HPSE2: variants seen among roughly 807,000 people sequenced by gnomAD.
HPSE2 encodes heparanase 2 (inactive), also known as inactive heparanase-2.
A neutral mutation model predicts 60.5 loss-of-function variants in HPSE2; 38 were observed. The observed-to-expected ratio is 0.63, with a 90% CI of 0.48 to 0.82. HPSE2 has a LOEUF of 0.82. Ranked by LOEUF, HPSE2 falls within the 40% of genes least tolerant of loss-of-function variation. HPSE2 has a pLI of 0.00. For synonymous variants in HPSE2, 295 were observed against 293.2 expected (o/e 1.01, Z -0.06); for missense variants, 713 against 740.4 (o/e 0.96, Z 0.43).
At chr10:98,800,150 T>C (rs1048115410) in intron 3 of HPSE2, among the ~76,000 whole-genome samples, 13 of 151,920 alleles carry the variant, frequency 8.6e-5, no homozygotes, top group Non-Finnish European at 1.5e-4. Context: ...GGCAAATTGC[T>C]TGAGCCCAGG....
intron 2 of HPSE2, among the ~76,000 whole-genome samples, chr10:99,158,673 C>T (rs959107387): frequency 6.8e-6 from 1 of 147,148 alleles, no homozygotes; most frequent in Non-Finnish European, 1.5e-5. Context: ...GTGCAGCGCA[C>T]CAGCATGGCA....
chr10:99,083,916 G>C (rs573744748), intron 3 of HPSE2, among the ~76,000 whole-genome samples: 1 of 147,752 alleles, frequency 6.8e-6, no homozygotes, highest in East Asian at 2.0e-4. Flanking sequence ...TTGTTCATCT[G>C]CAAGTCTGGA....
At chr10:98,975,102 CG>C (rs1321823769) in intron 3 of HPSE2, among the ~76,000 whole-genome samples, 5 of 152,050 alleles carry the variant, frequency 3.3e-5, no homozygotes, top group Non-Finnish European at 7.4e-5. Context: ...TATTTTCTTC[CG>C]CCTTATTTCC....
chr10:98,697,977 C>A (rs1948277781), intron 5 of HPSE2, among the ~76,000 whole-genome samples: 1 of 149,622 alleles, frequency 6.7e-6, no homozygotes, highest in South Asian at 2.2e-4. Flanking sequence ...CAGGAGCACC[C>A]AGATTCATAA....
rs757428229 is a variant in HPSE2 at position 99,169,723 on chromosome 10, T to TACCA, written c.449-25328_449-25325dup. ...GCAGGACAGTTGACATTCTTGGCCTTACCAACCAGATACCAGTAGCATCCC... is the reference window on the plus strand; with the variant it reads ...GCAGGACAGTTGACATTCTTGGCCTTACCAACCAACCAGATACCAGTAGCATCCC... On this transcript the variant is annotated intron_variant, in intron 2 of 11. Transcript: ENST00000370552. Among the ~76,000 whole-genome samples the TACCA allele has an allele frequency of 2.1e-4, 32 of 152,046 alleles. 1 individual carries two copies. The highest frequency in any genetic ancestry group is 4.0e-4 in the Non-Finnish European group (27 of 68,006).
intron 3 of HPSE2, among the ~76,000 whole-genome samples, chr10:98,829,646 T>C (rs942116271): frequency 6.6e-6 from 1 of 152,176 alleles, no homozygotes; most frequent in Admixed American, 6.5e-5. Flanking sequence ...GTAAATTTTA[T>C]GTCATGTATA....
chr10:99,003,482 C>T (rs1413859400), intron 3 of HPSE2, among the ~76,000 whole-genome samples: 1 of 152,126 alleles, frequency 6.6e-6, no homozygotes, highest in Non-Finnish European at 1.5e-5. Context: ...GTTCCCTTGA[C>T]TCCATATCCT....
intron 3 of HPSE2, among the ~76,000 whole-genome samples, chr10:98,942,391 A>G (rs1002175686): frequency 6.7e-6 from 1 of 148,276 alleles, no homozygotes; most frequent in African/African-American, 2.6e-5. Context: ...CAAGAAAAAA[A>G]CAAACAACCC....
At chr10:99,218,420 T>C (rs1367449015) in intron 2 of HPSE2, among the ~76,000 whole-genome samples, 1 of 151,998 alleles carries the variant, frequency 6.6e-6, no homozygotes, top group Non-Finnish European at 1.5e-5. Context: ...CACTGATTCT[T>C]GATACACACC....
At chr10:98,773,284 T>G (rs1210601765) in intron 3 of HPSE2, among the ~76,000 whole-genome samples, 2 of 152,226 alleles carry the variant, frequency 1.3e-5, no homozygotes, top group African/African-American at 2.4e-5. Flanking sequence ...CTTTCTCTAA[T>G]TAATACACCA....
chr10:98,558,310 C>T (rs10883130), intron 9 of HPSE2, among the ~76,000 whole-genome samples: 69,038 of 152,020 alleles, frequency 0.45, 18,666 homozygotes, highest in South Asian at 0.59. Context: ...AAAAGATGTC[C>T]ACTAGATGTT....
chr10:99,109,092 C>T (rs965379485), intron 3 of HPSE2, among the ~76,000 whole-genome samples: 1 of 152,114 alleles, frequency 6.6e-6, no homozygotes. Context: ...AACAAAGCAG[C>T]CTCTCAATAA....
At chr10:99,055,008 G>A (rs937249748) in intron 3 of HPSE2, among the ~76,000 whole-genome samples, 7 of 151,974 alleles carry the variant, frequency 4.6e-5, no homozygotes, top group South Asian at 2.1e-4. Flanking sequence ...CACTGTGCCC[G>A]GCCTACTCTA....
At chr10:98,789,755 A>G (rs1488851095) in intron 3 of HPSE2, among the ~76,000 whole-genome samples, 1 of 152,190 alleles carries the variant, frequency 6.6e-6, no homozygotes, top group East Asian at 1.9e-4. Flanking sequence ...TATGAGCAGT[A>G]TATCTCCATA....
chr10:98,742,151 A>G (rs571816647), intron 4 of HPSE2, among the ~76,000 whole-genome samples: 1 of 152,278 alleles, frequency 6.6e-6, no homozygotes, highest in East Asian at 1.9e-4. Flanking sequence ...AGGCTACCCT[A>G]GTTGAGACTC....
chr10:98,468,557 T>C (rs1170270157), intron 11 of HPSE2, among the ~76,000 whole-genome samples: 1 of 152,146 alleles, frequency 6.6e-6, no homozygotes, highest in African/African-American at 2.4e-5. Context: ...CGGCACATTA[T>C]CTGCATCTCC....
At chr10:99,140,776 C>T (rs182251640) in intron 3 of HPSE2, among the ~76,000 whole-genome samples, 214 of 152,304 alleles carry the variant, frequency 1.4e-3, no homozygotes, top group African/African-American at 3.7e-3. Context: ...CGGTGGCTCA[C>T]GCCTTTAATC....
At chr10:99,109,355 T>C (rs1806563243) in intron 3 of HPSE2, among the ~76,000 whole-genome samples, 1 of 152,164 alleles carries the variant, frequency 6.6e-6, no homozygotes, top group Admixed American at 6.5e-5. Flanking sequence ...AATTAAATTT[T>C]ATTTAATTTG....
intron 3 of HPSE2, among the ~76,000 whole-genome samples, chr10:98,967,409 G>A (rs1339527341): frequency 6.6e-6 from 1 of 152,146 alleles, no homozygotes; most frequent in African/African-American, 2.4e-5. Flanking sequence ...ATTTCAATGT[G>A]AACTGTCTCC....
Sources: gnomAD v4.1 joint callset for allele counts (sites outside exome capture counted in the v4.1 genomes callset) on GRCh38, gnomAD v4.1.1 for gene constraint, MANE v1.5 for transcripts, NCBI Gene and HGNC (gene_info 2026-07-23, HGNC 2026-07-21) for gene names.